POLD1: variants seen among roughly 807,000 people sequenced by gnomAD.
POLD1 encodes the protein DNA polymerase delta 1, catalytic subunit, also known as DNA polymerase delta catalytic subunit.
In POLD1, 79 loss-of-function variants were observed where a neutral mutation model predicts 129.7. That is an observed-to-expected ratio of 0.61 (90% confidence interval 0.51 to 0.73). POLD1 has a LOEUF of 0.73. Among genes scored for constraint, POLD1 ranks in the 30% least tolerant of loss-of-function variants. The pLI is 0.00. For synonymous variants in POLD1, 714 were observed against 683.3 expected (o/e 1.04, Z -0.70); for missense variants, 1,338 against 1,595.8 (o/e 0.84, Z 2.75).
chr19:50,407,431 G>A lies in POLD1; in HGVS notation c.1775+16G>A, dbSNP rs201259846. The A allele has an allele frequency of 3.4e-5, 53 of 1,560,774 alleles. No homozygotes were observed. The Middle Eastern group carries it at 8.4e-4, about 25-fold the overall frequency. The stretch of plus-strand genomic sequence containing the variant: ...CCCTCAAAGGGTGAGGCCCCAGGCT[G>A]GGTGCAGTTTTTACCTGTAATCTCT... On this transcript the variant is annotated intron_variant, in intron 14 of 26. Transcript: ENST00000440232.
rs1451482701 is a variant in POLD1 at position 50,407,111 on chromosome 19, G to C, written c.1623G>C (p.Val541=). The C allele has an allele frequency of 6.2e-7, 1 of 1,613,406 alleles. No homozygotes were observed. The highest frequency in any genetic ancestry group is 1.3e-5 in the African/African-American group (1 of 74,898). The change falls in exon 13 of 27, where the codon GTG becomes GTC. Residue 541 remains valine, a synonymous_variant. Transcript: ENST00000440232. Reference sequence around the variant, plus strand: ...TGGAGATGGCGAGGGTCACTGGCGTGCCCCTCAGCTACCTGCTCAGTCGTG... The same window carrying C: ...TGGAGATGGCGAGGGTCACTGGCGTCCCCCTCAGCTACCTGCTCAGTCGTG... The part of the protein sequence containing the change: ...NAVEMARVTG[V]PLSYLLSRGQ...
rs747628342 is a variant in POLD1, at chr19:50,409,577, C to T, written c.2065C>T (p.Arg689Trp). The T allele has an allele frequency of 5.0e-6, 8 of 1,613,392 alleles. No homozygotes were observed. The highest frequency in any genetic ancestry group is 6.8e-6 in the Non-Finnish European group (8 of 1,180,012). ...CCTCCGGCGCCAGGTCCTGGATGGA[C>T]GGCAGCTGGCGCTGAAGGTGAGCGC... Reference protein sequence around the residue: ...DPLRRQVLDGRQLALKVSANS... With the variant: ...DPLRRQVLDGWQLALKVSANS... Residue 689 changes from arginine to tryptophan, a missense_variant, in exon 17 of 27, where the codon CGG becomes TGG. This residue lies in a region of POLD1 where 720 missense variants were observed against 1,002.6 expected (regional missense o/e 0.72). Coordinates refer to ENST00000440232, the MANE Select transcript of POLD1 (RefSeq NM_002691.4). The surrounding 1 kb of genome is among the most constrained non-coding windows in gnomAD (Gnocchi z 5.8).
At chr19:50,413,277 T>G (rs1001453484) in intron 17 of POLD1, 149 bp from the exon 18 acceptor site, 4 of 643,652 alleles carry the variant, frequency 6.2e-6, no homozygotes, top group Non-Finnish European at 1.1e-5. Flanking sequence ...TTTTGCAGAT[T>G]TGGGAACTGA....
chr19:50,413,966 A>T (rs780408961), intron 19 of POLD1, 87 bp downstream of exon 19: 2 of 1,362,252 alleles, frequency 1.5e-6, no homozygotes, highest in African/African-American at 1.5e-5. Flanking sequence ...CAAAAGCCAC[A>T]GTGTGAAGGG....
intron 10 of POLD1, 64 bp downstream of exon 10, chr19:50,403,661 C>A: frequency 9.8e-7 from 1 of 1,016,302 alleles, no homozygotes; most frequent in Non-Finnish European, 1.6e-6. Flanking sequence ...GGGCCCTGGG[C>A]CTCCTTCCCA....
chr19:50,413,500 T>A lies in POLD1; in HGVS notation c.2229T>A (p.Asn743Lys). The A allele has an allele frequency of 1.2e-6, 2 of 1,611,226 alleles. No homozygotes were observed. The highest frequency in any genetic ancestry group is 1.7e-6 in the Non-Finnish European group (2 of 1,178,602). ...TGGAGTCTAAGTACACAGTGGAGAA[T>A]GGCTACAGCACCAGTGCCAAGGTCG... is the stretch of plus-strand genomic sequence containing the variant. ...QLVESKYTVE[N>K]GYSTSAKVVY... The change falls in exon 18 of 27, where the codon AAT becomes AAA. Residue 743 changes from asparagine to lysine, a missense_variant. This residue lies in a region of POLD1 where 720 missense variants were observed against 1,002.6 expected (regional missense o/e 0.72). Coordinates refer to ENST00000440232, the MANE Select transcript of POLD1 (RefSeq NM_002691.4).
chr19:50,414,679 C>T (rs2039208760), intron 19 of POLD1, 136 bp from the exon 20 acceptor site: 7 of 644,438 alleles, frequency 1.1e-5, no homozygotes, highest in Non-Finnish European at 1.7e-5. Context: ...TCGGTCCATC[C>T]CACCAGGCTC....
intron 14 of POLD1, among the ~76,000 whole-genome samples, chr19:50,407,623 A>G (rs372651564): frequency 6.6e-6 from 1 of 151,294 alleles, no homozygotes; most frequent in Non-Finnish European, 1.5e-5. Context: ...CAGTGGCGCA[A>G]TCTCAGCTCA....
At chr19:50,389,076 G>A (rs1343159303) in intron 1 of POLD1, among the ~76,000 whole-genome samples, 3 of 150,392 alleles carry the variant, frequency 2.0e-5, no homozygotes, top group Admixed American at 6.6e-5. Context: ...TATGATCTAC[G>A]TGCCTCTGCC....
At chr19:50,408,722 C>A in intron 14 of POLD1, 63 bp from the exon 15 acceptor site, 1 of 1,588,532 alleles carries the variant, frequency 6.3e-7, no homozygotes, top group Non-Finnish European at 8.6e-7. Context: ...GGCCACAAGA[C>A]AGGGCGGGGG....
chr19:50,398,161 A>C (rs756146555), intron 1 of POLD1, among the ~76,000 whole-genome samples: 2 of 152,126 alleles, frequency 1.3e-5, no homozygotes, highest in Non-Finnish European at 2.9e-5. Context: ...GATTATTTCA[A>C]AGTATTTAGG....
chr19:50,399,335 C>A (rs1485469727), intron 2 of POLD1, 36 bp from the exon 3 acceptor site: 2 of 1,504,590 alleles, frequency 1.3e-6, no homozygotes, highest in African/African-American at 1.4e-5. Context: ...AAGACCATGA[C>A]TCCATGTACT....
chr19:50,399,819 GACTT>G (rs2038516443), intron 3 of POLD1, among the ~76,000 whole-genome samples: 4 of 152,152 alleles, frequency 2.6e-5, no homozygotes, highest in African/African-American at 9.7e-5. Flanking sequence ...AAGTCAATTT[GACTT>G]CTTTTTTTTG....
chr19:50,384,422 A>C (rs1211260912), intron 1 of POLD1, 32 bp downstream of exon 1: 2 of 152,528 alleles, frequency 1.3e-5, no homozygotes, highest in East Asian at 1.9e-4. Flanking sequence ...AGTTCGGGGC[A>C]GTGGGCCTGG....
At chr19:50,410,796 A>G (rs923674904) in intron 17 of POLD1, among the ~76,000 whole-genome samples, 1 of 151,994 alleles carries the variant, frequency 6.6e-6, no homozygotes, top group Non-Finnish European at 1.5e-5. Flanking sequence ...TCAGTCCTAT[A>G]GGCATGGAGC....
intron 24 of POLD1, 126 bp downstream of exon 24, chr19:50,416,849 G>T: frequency 2.1e-6 from 2 of 943,946 alleles, no homozygotes; most frequent in East Asian, 2.6e-5. Flanking sequence ...TGGGTGGGTG[G>T]CCCCTGTCTC....
At chr19:50,401,391 A>ATATATTTTTTTTTT (rs1334231607) in intron 3 of POLD1, among the ~76,000 whole-genome samples, 2 of 65,948 alleles carry the variant, frequency 3.0e-5, no homozygotes, top group African/African-American at 6.9e-5. Flanking sequence ...ATATATATAT[A>ATATATTTTTTTTTT]TTTTTTTTTT....
rs780538982 is a variant in POLD1 at position 50,406,353 on chromosome 19, C to T, written c.1383+31C>T. On this transcript the variant is annotated intron_variant, in intron 11 of 26. Transcript: ENST00000440232. This position sits in a 1 kb window ranked among gnomAD's most constrained non-coding sequence, Gnocchi z 5.5. ...GGCGGGAGGTGGGGTGTGTCCCTGT[C>T]CTTGGAAGGCCACTGCCCAGGCCCG... 12 of 1,612,446 alleles carry T rather than the reference C, an allele frequency of 7.4e-6. No homozygotes were observed. The East Asian group carries it at 2.5e-4, about 33-fold the overall frequency.
At chr19:50,387,406 G>A (rs1361811489) in intron 1 of POLD1, among the ~76,000 whole-genome samples, 1 of 152,180 alleles carries the variant, frequency 6.6e-6, no homozygotes, top group Non-Finnish European at 1.5e-5. Flanking sequence ...GTGTCATTTT[G>A]TTGCTGAATC....
Sources: allele counts gnomAD v4.1 joint callset (sites outside exome capture counted in the v4.1 genomes callset), GRCh38; gene constraint gnomAD v4.1.1; regional missense constraint gnomAD v4.1.1; non-coding constraint Gnocchi (gnomAD v3.1); transcripts MANE v1.5; gene names NCBI Gene and HGNC (gene_info 2026-07-23, HGNC 2026-07-21).